TNRC6A: variants seen among roughly 807,000 people sequenced by gnomAD.
TNRC6A encodes trinucleotide repeat containing adaptor 6A.
Under a neutral mutation model 221.2 loss-of-function variants are expected in TNRC6A, and 44 were observed. The observed-to-expected ratio is 0.20, with a 90% confidence interval of 0.16 to 0.26. The LOEUF is 0.26. TNRC6A is among the 10% of genes least tolerant of loss of function. The pLI is 1.00. For missense variants in TNRC6A, 2,199 were observed against 2,404.4 expected, an observed-to-expected ratio of 0.91 and a Z score of 1.79; for synonymous variants, 847 against 838.5, an observed-to-expected ratio of 1.01 and a Z score of -0.18.
intron 2 of TNRC6A, among the ~76,000 whole-genome samples, chr16:24,682,999 T>A (rs1410225888): frequency 1.2e-4 from 18 of 152,200 alleles, no homozygotes; most frequent in Non-Finnish European, 2.9e-5. Context: ...GAGAGATTCA[T>A]TAACTTGTCC....
chr16:24,674,214 C>A (rs1439082397), intron 2 of TNRC6A, among the ~76,000 whole-genome samples: 1 of 152,070 alleles, frequency 6.6e-6, no homozygotes, highest in East Asian at 1.9e-4. Flanking sequence ...GAACTACAGG[C>A]TTGTGCCACC....
intron 2 of TNRC6A, among the ~76,000 whole-genome samples, chr16:24,736,387 A>G (rs547274962): frequency 1.3e-5 from 2 of 152,282 alleles, no homozygotes; most frequent in Non-Finnish European, 2.9e-5. Flanking sequence ...TAACTTTACA[A>G]TTCTGTCTGG....
chr16:24,742,188 A>G (rs557805607), intron 2 of TNRC6A, among the ~76,000 whole-genome samples: 6 of 152,304 alleles, frequency 3.9e-5, no homozygotes, highest in Admixed American at 2.6e-4. Context: ...GCATTACCCA[A>G]TTAAATCTTC....
At chr16:24,773,854 C>T (rs1055316494) in intron 4 of TNRC6A, among the ~76,000 whole-genome samples, 2 of 151,026 alleles carry the variant, frequency 1.3e-5, no homozygotes, top group Admixed American at 6.6e-5. Context: ...TGTATATCTT[C>T]CTCTCTACTT....
rs2058837282 is a variant in TNRC6A at position 24,824,695 on chromosome 16, G to A, written c.*888G>A. 6.6e-6 allele frequency: 1 copy of A among 151,786 alleles called. No individual in the cohort carries two copies. The highest frequency in any genetic ancestry group is 1.5e-5 in the Non-Finnish European group (1 of 67,954). The allele number at this position is 151,786 out of a possible 1,614,324, so 9.4% of individuals were successfully genotyped here. A position where few individuals can be genotyped will look rare whatever the true frequency, so the allele number is the denominator to read the frequency against. Reference sequence around the variant, plus strand: ...CTCTGGGAAAAAGGAGCAGCATTTGGCCATGTTCTTTTGTTTTTCTATTCC... The same window carrying A: ...CTCTGGGAAAAAGGAGCAGCATTTGACCATGTTCTTTTGTTTTTCTATTCC... On this transcript the variant is annotated 3_prime_UTR_variant, in exon 25 of 25. Coordinates refer to ENST00000395799, the MANE Select transcript of TNRC6A (RefSeq NM_014494.4).
chr16:24,749,360 G>A (rs1567421002), intron 2 of TNRC6A, among the ~76,000 whole-genome samples: 1 of 152,118 alleles, frequency 6.6e-6, no homozygotes, highest in Non-Finnish European at 1.5e-5. Flanking sequence ...CTTTGTTCTG[G>A]GACAACCAAA....
intron 4 of TNRC6A, among the ~76,000 whole-genome samples, chr16:24,765,373 A>G (rs1485212880): frequency 2.0e-5 from 3 of 152,168 alleles, no homozygotes; most frequent in Non-Finnish European, 2.9e-5. Flanking sequence ...GAAGATGACA[A>G]TCCCAGAGAG....
intron 16 of TNRC6A, 50 bp downstream of exon 16, chr16:24,806,333 T>C: frequency 6.3e-7 from 1 of 1,596,692 alleles, no homozygotes. Context: ...TAATAAACTC[T>C]GCTTATCTCC....
chr16:24,792,488 G>T (rs2058124554), intron 6 of TNRC6A, among the ~76,000 whole-genome samples: 1 of 150,290 alleles, frequency 6.7e-6, no homozygotes, highest in Non-Finnish European at 1.5e-5. Context: ...TTTTGGCACT[G>T]AATTTTTTTT....
chr16:24,621,199 A>G (rs1450714194), intron 1 of TNRC6A, among the ~76,000 whole-genome samples: 1 of 151,852 alleles, frequency 6.6e-6, no homozygotes, highest in Non-Finnish European at 1.5e-5. Context: ...TAAAAAAAAC[A>G]TGTGCTTAAG....
chr16:24,723,537 TG>T (rs1233750042), intron 2 of TNRC6A, among the ~76,000 whole-genome samples: 1 of 148,384 alleles, frequency 6.7e-6, no homozygotes, highest in Middle Eastern at 3.2e-3. Flanking sequence ...AAGGTTGCAG[TG>T]AGCCAAGAAC....
At chr16:24,805,916 G>T (rs1254062176) in intron 15 of TNRC6A, among the ~76,000 whole-genome samples, 183 bp downstream of exon 15, 1 of 152,218 alleles carries the variant, frequency 6.6e-6, no homozygotes, top group Non-Finnish European at 1.5e-5. Flanking sequence ...TTGAAGAAGT[G>T]CAGAATGCTG....
chr16:24,781,489 T>C (rs945685506), intron 5 of TNRC6A, among the ~76,000 whole-genome samples: 4 of 152,216 alleles, frequency 2.6e-5, no homozygotes, highest in Non-Finnish European at 5.9e-5. Context: ...TTCTGCTCAC[T>C]TGACTAAAAT....
rs1476136599 is a variant in TNRC6A, at chr16:24,824,398, A to G, written c.*591A>G. On this transcript the variant is annotated 3_prime_UTR_variant, in exon 25 of 25. Coordinates refer to ENST00000395799, the MANE Select transcript of TNRC6A (RefSeq NM_014494.4). The stretch of plus-strand genomic sequence containing the variant: ...GGATTATTAATGAAAGTGTTGCACC[A>G]GTTTTTTCATGTTGTAAAACTAAAG... 1 of 152,510 alleles carries G rather than the reference A, an allele frequency of 6.6e-6. No individual in the cohort carries two copies. Among genetic ancestry groups the G allele is most frequent in the Non-Finnish European group, 1.5e-5 (1 of 68,026 alleles). The allele number at this position is 152,510 out of a possible 1,614,324, so 9.4% of individuals were successfully genotyped here. A position where few individuals can be genotyped will look rare whatever the true frequency, so the allele number is the denominator to read the frequency against.
chr16:24,796,638 G>T (rs775745312), intron 9 of TNRC6A, among the ~76,000 whole-genome samples: 1 of 152,186 alleles, frequency 6.6e-6, no homozygotes, highest in Non-Finnish European at 1.5e-5. Flanking sequence ...CAGAATCTGC[G>T]GAGAGAGTTA....
chr16:24,752,004 A>G (rs1256924743), intron 3 of TNRC6A, among the ~76,000 whole-genome samples: 1 of 152,168 alleles, frequency 6.6e-6, no homozygotes, highest in Non-Finnish European at 1.5e-5. Context: ...CTTGGGGGAA[A>G]GGGAGGGAAC....
At chr16:24,710,579 C>G (rs2056186002) in intron 2 of TNRC6A, among the ~76,000 whole-genome samples, 1 of 152,170 alleles carries the variant, frequency 6.6e-6, no homozygotes. Flanking sequence ...TCCTACTAAG[C>G]AGTGCTAGAT....
At chr16:24,771,817 C>T (rs2057617712) in intron 4 of TNRC6A, among the ~76,000 whole-genome samples, 1 of 152,070 alleles carries the variant, frequency 6.6e-6, no homozygotes, top group South Asian at 2.1e-4. Context: ...ACTATAGGAC[C>T]TTCTATTCCT....
chr16:24,656,308 C>T (rs1353247625), intron 2 of TNRC6A, among the ~76,000 whole-genome samples: 2 of 149,830 alleles, frequency 1.3e-5, no homozygotes, highest in Non-Finnish European at 3.0e-5. Context: ...ACTAAAAATA[C>T]AAAAAAAAAT....
Sources: allele counts gnomAD v4.1 joint callset (sites outside exome capture counted in the v4.1 genomes callset), GRCh38; gene constraint gnomAD v4.1.1; transcripts MANE v1.5; gene names NCBI Gene and HGNC (gene_info 2026-07-23, HGNC 2026-07-21).